The following MAD1L1 variants were observed in gnomAD, a reference collection of about 807,000 sequenced individuals.
The protein encoded by MAD1L1 is mitotic arrest deficient 1 like 1.
A neutral mutation model predicts 96.9 loss-of-function variants in MAD1L1; 95 were observed. The observed-to-expected ratio is 0.98, with a 90% confidence interval of 0.83 to 1.16. The LOEUF (loss-of-function observed/expected upper bound fraction) is 1.16, where lower values mean the gene tolerates loss of function less well. Among genes scored for constraint, MAD1L1 ranks in the 50% most tolerant of loss-of-function variants. The pLI is 0.00. For synonymous variants in MAD1L1, 473 were observed against 396.6 expected (o/e 1.19, Z -2.29); for missense variants, 1,007 against 954.4 (o/e 1.06, Z -0.73).
chr7:1,935,448 C>G (rs4721218), intron 17 of MAD1L1, among the ~76,000 whole-genome samples: 149,522 of 152,258 alleles, frequency 0.98, 73,478 homozygotes, highest in Middle Eastern at 1. Context: ...CAGGAGGGCA[C>G]ACCACCCGCT....
chr7:1,873,358 G>T (rs572656617), intron 18 of MAD1L1, among the ~76,000 whole-genome samples: 2 of 152,304 alleles, frequency 1.3e-5, no homozygotes, highest in East Asian at 3.9e-4. Context: ...CAGCAAGAGG[G>T]TGGGAGCAGG....
chr7:1,922,526 CGGG>C (rs1788856767), intron 17 of MAD1L1, among the ~76,000 whole-genome samples: 1 of 152,236 alleles, frequency 6.6e-6, no homozygotes, highest in Admixed American at 6.5e-5. Flanking sequence ...ACAGAAATCC[CGGG>C]TGAACTCGCT....
chr7:1,920,966 C>T (rs867731413), intron 17 of MAD1L1, among the ~76,000 whole-genome samples: 71 of 152,352 alleles, frequency 4.7e-4, no homozygotes, highest in African/African-American at 1.5e-3. Context: ...CTGCAAAGCT[C>T]GGCTCTGAGC....
chr7:2,227,997 C>T (rs1028081288), intron 3 of MAD1L1, among the ~76,000 whole-genome samples: 1 of 151,684 alleles, frequency 6.6e-6, no homozygotes, highest in East Asian at 1.9e-4. Context: ...TTCTCCAGGC[C>T]CTCCCTGCCA....
intron 18 of MAD1L1, among the ~76,000 whole-genome samples, chr7:1,878,730 G>GC (rs1562483316): frequency 1.9e-4 from 20 of 103,356 alleles, no homozygotes; most frequent in African/African-American, 6.9e-4. Flanking sequence ...AGGTAAAAAT[G>GC]TCCCCCCCCC....
intron 16 of MAD1L1, among the ~76,000 whole-genome samples, chr7:1,944,006 A>G (rs1779115946): frequency 6.6e-6 from 1 of 152,198 alleles, no homozygotes; most frequent in Non-Finnish European, 1.5e-5. Context: ...CTATGACCAC[A>G]TGGGTGAACC....
intron 11 of MAD1L1, among the ~76,000 whole-genome samples, chr7:2,082,370 C>CA (rs1785697469): frequency 6.6e-6 from 1 of 151,986 alleles, no homozygotes; most frequent in Non-Finnish European, 1.5e-5. Context: ...GGGAAGGAGC[C>CA]AGGCCTGGGG....
In MAD1L1 at chr7:1,913,224, C is replaced by T. The variant is rs116769602; in HGVS notation, c.1808-14834G>A. Among the ~76,000 whole-genome samples, 1,223 of 152,162 alleles carry T rather than the reference C, an allele frequency of 8.0e-3. 16 individuals are homozygous for T. Among genetic ancestry groups the T allele is most frequent in the African/African-American group, 0.029 (1,186 of 41,498 alleles). ...TAGCAGGAGACTCGGGAAGAGGACA[C>T]GGAACTGCTCCAGTAATTGGAGCAG... On this transcript the variant is annotated intron_variant, in intron 17 of 18. Transcript: ENST00000265854.
In MAD1L1 at chr7:2,177,900, C is replaced by T. The variant is rs985406939; in HGVS notation, c.987-28662G>A. ...TCGCCATGACTGACACCTGTGGGGA[C>T]AGGCTCTGGAGGCAAGAGCAACCCT... On this transcript the variant is annotated intron_variant, in intron 10 of 18. Transcript: ENST00000265854. Among the ~76,000 whole-genome samples the T allele has an allele frequency of 2.0e-5, 3 of 152,210 alleles. No individual in the cohort carries two copies. In the South Asian group the frequency reaches 6.2e-4, roughly 31 times the overall value.
At chr7:1,871,746 G>T (rs1216454749) in intron 18 of MAD1L1, among the ~76,000 whole-genome samples, 1 of 149,942 alleles carries the variant, frequency 6.7e-6, no homozygotes, top group Non-Finnish European at 1.5e-5. Flanking sequence ...CCCAACATAC[G>T]CCTGCCACGC....
chr7:2,162,000 G>T (rs1472353811), intron 10 of MAD1L1, among the ~76,000 whole-genome samples: 1 of 149,216 alleles, frequency 6.7e-6, no homozygotes, highest in African/African-American at 2.5e-5. Context: ...CATCCGGGAG[G>T]TGGGGGGCGG....
chr7:2,048,864 G>A (rs1010255491), intron 12 of MAD1L1, among the ~76,000 whole-genome samples: 5 of 152,186 alleles, frequency 3.3e-5, no homozygotes, highest in South Asian at 4.1e-4. Context: ...TTCTCGAGGC[G>A]AAGAGCTGTG....
At chr7:2,193,698 C>A (rs1562358479) in intron 10 of MAD1L1, among the ~76,000 whole-genome samples, 1 of 152,212 alleles carries the variant, frequency 6.6e-6, no homozygotes, top group East Asian at 1.9e-4. Context: ...CCAGATTCCT[C>A]CGGAAAACCT....
chr7:2,091,777 A>G (rs1365486135), intron 11 of MAD1L1, among the ~76,000 whole-genome samples: 1 of 144,886 alleles, frequency 6.9e-6, no homozygotes, highest in African/African-American at 2.6e-5. Context: ...CTCCATCTCA[A>G]AAAAAAAAAA....
intron 18 of MAD1L1, among the ~76,000 whole-genome samples, chr7:1,875,166 G>C (rs897686463): frequency 6.6e-6 from 1 of 152,150 alleles, no homozygotes; most frequent in Non-Finnish European, 1.5e-5. Flanking sequence ...CCCCCACAGG[G>C]GCCATGGCTT....
intron 18 of MAD1L1, among the ~76,000 whole-genome samples, chr7:1,877,235 A>C (rs1785431834): frequency 6.6e-6 from 1 of 152,178 alleles, no homozygotes; most frequent in East Asian, 1.9e-4. Flanking sequence ...TTTTGTAATA[A>C]AGTTTTACTG....
At position 2,220,621 on chromosome 7, in the gene MAD1L1, G is replaced by A. The variant is rs191233824; in HGVS notation, c.472-1165C>T. Among the ~76,000 whole-genome samples, 33 of 152,322 alleles carry A rather than the reference G, an allele frequency of 2.2e-4. No individual in the cohort carries two copies. The East Asian group carries it at 6.4e-3, about 29-fold the overall frequency. On this transcript the variant is annotated intron_variant, in intron 5 of 18. Transcript: ENST00000265854. The stretch of plus-strand genomic sequence containing the variant: ...CTGGGCGGCACCCTCCGCAAACAAG[G>A]AGGCCTCAGCACTCATTTCCCTGTC...
chr7:1,820,001 C>A (rs1249371149), intron 18 of MAD1L1, among the ~76,000 whole-genome samples: 3 of 152,098 alleles, frequency 2.0e-5, no homozygotes, highest in Non-Finnish European at 4.4e-5. Flanking sequence ...AATGAGAAGA[C>A]ACGCAGGAAA....
chr7:1,857,551 C>A (rs1784318822), intron 18 of MAD1L1, among the ~76,000 whole-genome samples: 1 of 152,236 alleles, frequency 6.6e-6, no homozygotes, highest in South Asian at 2.1e-4. Flanking sequence ...AGTTTCTGCC[C>A]TGCTGCGGCT....
Sources: gnomAD v4.1 joint callset for allele counts (sites outside exome capture counted in the v4.1 genomes callset) on GRCh38, gnomAD v4.1.1 for gene constraint, MANE v1.5 for transcripts, NCBI Gene and HGNC (gene_info 2026-07-23, HGNC 2026-07-21) for gene names.